HERC6: variants seen among roughly 807,000 people sequenced by gnomAD.
HERC6 encodes HECT and RLD domain containing E3 ubiquitin protein ligase family member 6, also known as probable E3 ubiquitin-protein ligase HERC6.
A neutral mutation model predicts 114.5 loss-of-function variants in HERC6; 101 were observed. The ratio of observed to expected loss-of-function variants is 0.88; its 90% CI spans 0.75 to 1.04. The LOEUF (loss-of-function observed/expected upper bound fraction) is 1.04. HERC6 is among the 50% of genes least tolerant of loss of function. The pLI, the probability that HERC6 is intolerant of heterozygous loss-of-function variation, is 0.00. For missense variants in HERC6, 1,133 were observed against 1,230.9 expected, an observed-to-expected ratio of 0.92 and a Z score of 1.19; for synonymous variants, 408 against 436.2, an observed-to-expected ratio of 0.94 and a Z score of 0.81.
At chr4:88,437,095 C>T in intron 19 of HERC6, 124 bp downstream of exon 19, 3 of 640,678 alleles carry the variant, frequency 4.7e-6, no homozygotes, top group Non-Finnish European at 7.6e-6. Context: ...CTCACTCTGT[C>T]ACCCAGGTTG....
chr4:88,390,990 C>A, intron 4 of HERC6, 111 bp downstream of exon 4: 1 of 836,324 alleles, frequency 1.2e-6, no homozygotes, highest in Non-Finnish European at 1.8e-6. Flanking sequence ...AAACTTGTGA[C>A]ACATTCGAAT....
chr4:88,420,843 C>T, intron 13 of HERC6, among the ~76,000 whole-genome samples: 1 of 151,972 alleles, frequency 6.6e-6, no homozygotes, highest in Non-Finnish European at 1.5e-5. Flanking sequence ...GTTGTATAAC[C>T]TTTACCCAAA....
rs746650444 is a variant in HERC6 at position 88,378,965 on chromosome 4, G to A, written c.44G>A (p.Arg15Gln). ...GCCGACTCCAGGGAGCTGCAGCGCC[G>A]GAGGACGGCGGGCAGCCCCGGGGCT... ...WGADSRELQR[R>Q]RTAGSPGAEL... The change falls in exon 1 of 23, where the codon CGG (arginine) becomes CAG (glutamine). Residue 15 changes from arginine (R) to glutamine (Q), a missense_variant. Physicochemically the swap from Arg to Gln is conservative, Grantham distance 43 (BLOSUM62 1). This residue lies in a region of HERC6 where 735 missense variants were observed against 754.0 expected (regional missense o/e 0.97). Coordinates refer to ENST00000264346, the MANE Select transcript of HERC6 (RefSeq NM_017912.4). The A allele has an allele frequency of 1.5e-5, 24 of 1,591,910 alleles. No homozygotes were observed. The highest frequency in any genetic ancestry group is 4.0e-5 in the African/African-American group (3 of 74,548).
intron 20 of HERC6, 97 bp downstream of exon 20, chr4:88,437,878 C>A: frequency 2.2e-6 from 2 of 915,522 alleles, no homozygotes; most frequent in South Asian, 1.6e-5. Flanking sequence ...ATGGTTCACA[C>A]CTGTAATCCC....
At chr4:88,395,757 C>T (rs1264181935) in intron 5 of HERC6, among the ~76,000 whole-genome samples, 1 of 151,992 alleles carries the variant, frequency 6.6e-6, no homozygotes, top group East Asian at 1.9e-4. Flanking sequence ...CTCCTGGCCT[C>T]AAGTAATTCT....
At chr4:88,422,146 T>A (rs1308102203) in intron 13 of HERC6, among the ~76,000 whole-genome samples, 5 of 152,232 alleles carry the variant, frequency 3.3e-5, no homozygotes, top group African/African-American at 1.2e-4. Context: ...AATTTTTAAC[T>A]GTCTTTGATG....
chr4:88,393,627 G>A lies in HERC6; in HGVS notation c.759+45G>A, dbSNP rs772154748. ...TATTTTTTTGAGTTCCAGAGAAATG[G>A]TAACAAGATACATATGTACTAATTA... On this transcript the variant is annotated intron_variant, in intron 5 of 22. Transcript: ENST00000264346. 6 of 1,198,320 alleles carry A rather than the reference G, an allele frequency of 5.0e-6. No homozygotes were observed. The East Asian group carries it at 1.4e-4, about 29-fold the overall frequency. 74.2% of individuals were successfully genotyped at this position (1,198,320 alleles called of 1,614,324 possible).
chr4:88,398,599 G>A (rs1208194031), intron 8 of HERC6: 1 of 157,442 alleles, frequency 6.4e-6, no homozygotes, highest in Non-Finnish European at 1.4e-5. Context: ...GAATTTCCCA[G>A]TGGCACCTCC....
At chr4:88,423,621 T>G (rs55963113) in intron 13 of HERC6, among the ~76,000 whole-genome samples, 136 of 152,326 alleles carry the variant, frequency 8.9e-4, no homozygotes, top group Non-Finnish European at 1.5e-3. Flanking sequence ...CCCTAAAAAT[T>G]AGTTTACTAA....
intron 15 of HERC6, 125 bp downstream of exon 15, chr4:88,424,827 CTTT>C (rs887678552): frequency 3.2e-6 from 2 of 626,844 alleles, no homozygotes; most frequent in Admixed American, 6.8e-5. Flanking sequence ...TTATCTATCA[CTTT>C]TTTTCTTTGT....
rs765800965 is a variant in HERC6 at position 88,392,800 on chromosome 4, G to C, written c.665-688G>C. On this transcript the variant is annotated intron_variant, in intron 4 of 22. Transcript: ENST00000264346. ...TACTAAATGGCAGCCTTGCAGTCAG[G>C]GTGGCTTATTTGAAGACGCTCTTCT... Among the ~76,000 whole-genome samples, 4 of 152,016 alleles carry C rather than the reference G, an allele frequency of 2.6e-5. No individual in the cohort carries two copies. In the South Asian group the frequency reaches 8.3e-4, roughly 32 times the overall value.
intron 16 of HERC6, among the ~76,000 whole-genome samples, chr4:88,428,986 C>T (rs1737916888): frequency 6.6e-6 from 1 of 152,194 alleles, no homozygotes; most frequent in Admixed American, 6.5e-5. Context: ...AATGAAACAT[C>T]CCAAAACGTA....
intron 21 of HERC6, 44 bp from the exon 22 acceptor site, chr4:88,440,104 T>C (rs1298260957): frequency 6.2e-7 from 1 of 1,603,068 alleles, no homozygotes; most frequent in Admixed American, 1.7e-5. Context: ...AACTTCTATA[T>C]ATTCCACCCC....
intron 8 of HERC6, chr4:88,399,881 C>G (rs1735444728): frequency 6.6e-6 from 1 of 152,092 alleles, no homozygotes; most frequent in African/African-American, 2.4e-5. Flanking sequence ...CAGAAAAGGC[C>G]TTGTAGAGGC....
chr4:88,403,153 T>C (rs559466280), intron 8 of HERC6, among the ~76,000 whole-genome samples: 46 of 152,312 alleles, frequency 3.0e-4, no homozygotes, highest in African/African-American at 1.1e-3. Flanking sequence ...TCAAGTATTA[T>C]ATAGAGCAAT....
intron 8 of HERC6, among the ~76,000 whole-genome samples, chr4:88,403,476 CG>C (rs1735649787): frequency 6.6e-6 from 1 of 152,138 alleles, no homozygotes; most frequent in Non-Finnish European, 1.5e-5. Context: ...CCAGATAGGC[CG>C]GGCGAGGTGG....
In HERC6 at chr4:88,423,940, T is replaced by A; in HGVS notation, c.1794T>A (p.Asp598Glu). Residue 598 changes from aspartate to glutamate, a missense_variant, in exon 14 of 23, where the codon GAT becomes GAA. Asp to Glu is a conservative substitution (Grantham distance 45). This residue lies in a region of HERC6 where 735 missense variants were observed against 754.0 expected (regional missense o/e 0.97). Transcript: ENST00000264346. ...ELSNLLNFYI[D>E]RGRQLFRDNH... is the part of the protein sequence containing the mutation. ...CCAACTTATTAAACTTTTATATAGATAGAGGAAGACAGCTCTTTCGGGATA... is the reference window on the plus strand; with the variant it reads ...CCAACTTATTAAACTTTTATATAGAAAGAGGAAGACAGCTCTTTCGGGATA... 1 of 1,550,696 alleles carries A rather than the reference T, an allele frequency of 6.4e-7. No homozygotes were observed. Among genetic ancestry groups the A allele is most frequent in the Non-Finnish European group, 8.7e-7 (1 of 1,145,908 alleles).
chr4:88,439,400 GAAGGGA>G (rs530954572), intron 20 of HERC6, among the ~76,000 whole-genome samples: 31 of 149,270 alleles, frequency 2.1e-4, no homozygotes, highest in Admixed American at 6.7e-4. Context: ...AAAGAAAAGG[GAAGGGA>G]AAGGGAAAGG....
Position 88,398,163 on chromosome 4 carries a change from A to C in HERC6, c.1046A>C (p.Lys349Thr). Reference sequence around the variant, plus strand: ...TTAGACTTCGTGGATGTTCAAGTCAAACACATTTTTGCTGGAACATATGCC... The same window carrying C: ...TTAGACTTCGTGGATGTTCAAGTCACACACATTTTTGCTGGAACATATGCC... ...SAEDFVDVQV[K>T]HIFAGTYANF... is the part of the protein sequence containing the mutation. The change falls in exon 8 of 23, where the codon AAA becomes ACA. Residue 349 changes from lysine (K) to threonine (T), a missense_variant. Transcript: ENST00000264346. The C allele has an allele frequency of 6.3e-7, 1 of 1,598,528 alleles. No homozygotes were observed. Among genetic ancestry groups the C allele is most frequent in the Non-Finnish European group, 8.5e-7 (1 of 1,172,658 alleles).
Sources: allele counts gnomAD v4.1 joint callset (sites outside exome capture counted in the v4.1 genomes callset), GRCh38; gene constraint gnomAD v4.1.1; regional missense constraint gnomAD v4.1.1; transcripts MANE v1.5; gene names NCBI Gene and HGNC (gene_info 2026-07-23, HGNC 2026-07-21).